DGKB: variants seen among roughly 807,000 people sequenced by gnomAD.
DGKB encodes the protein 90 kDa diacylglycerol kinase.
A neutral mutation model predicts 114.3 loss-of-function variants in DGKB; 67 were observed. The ratio of observed to expected loss-of-function variants is 0.59; its 90% confidence interval spans 0.48 to 0.72. The LOEUF (loss-of-function observed/expected upper bound fraction) is 0.72, where lower values mean the gene tolerates loss of function less well. Among genes scored for constraint, DGKB ranks in the 30% least tolerant of loss-of-function variants. The probability of loss-of-function intolerance (pLI) is 0.00; values close to 1 mark genes in which losing one functional copy is unlikely to be tolerated. For synonymous variants in DGKB, 398 were observed against 323.1 expected (o/e 1.23, Z -2.49); for missense variants, 907 against 975.2 (o/e 0.93, Z 0.93).
chr7:14,944,124 A>T (rs1288487082), intron 1 of DGKB, among the ~76,000 whole-genome samples: 1 of 151,902 alleles, frequency 6.6e-6, no homozygotes, highest in Non-Finnish European at 1.5e-5. Context: ...TGCTTATCCC[A>T]ATACCTTACA....
intron 1 of DGKB, among the ~76,000 whole-genome samples, chr7:14,923,958 TG>T (rs1362430913): frequency 1.0e-4 from 13 of 124,620 alleles, no homozygotes; most frequent in African/African-American, 4.4e-4. Flanking sequence ...CACTCCAACC[TG>T]GGCAACACAG....
intron 20 of DGKB, among the ~76,000 whole-genome samples, chr7:14,568,682 C>G (rs1797946787): frequency 6.6e-6 from 1 of 152,132 alleles, no homozygotes; most frequent in Non-Finnish European, 1.5e-5. Context: ...ATAATTTGTA[C>G]CAGCAGTCAA....
At chr7:14,866,071 G>C (rs1051130643) in intron 1 of DGKB, among the ~76,000 whole-genome samples, 3 of 152,184 alleles carry the variant, frequency 2.0e-5, no homozygotes, top group East Asian at 1.9e-4. Flanking sequence ...TCCTGGCTAA[G>C]AGGAGCATAG....
chr7:14,795,693 T>A (rs1188756467), intron 2 of DGKB, among the ~76,000 whole-genome samples: 1 of 152,168 alleles, frequency 6.6e-6, no homozygotes, highest in East Asian at 1.9e-4. Context: ...TAGAGCTGGT[T>A]ACCTGGCTAC....
At chr7:14,885,583 A>C (rs1221447062) in intron 1 of DGKB, among the ~76,000 whole-genome samples, 1 of 151,886 alleles carries the variant, frequency 6.6e-6, no homozygotes, top group East Asian at 1.9e-4. Context: ...TGCTTCATTA[A>C]GCGATTAAAC....
intron 21 of DGKB, among the ~76,000 whole-genome samples, chr7:14,419,424 A>G (rs1021680986): frequency 5.9e-5 from 9 of 151,944 alleles, no homozygotes; most frequent in African/African-American, 2.2e-4. Context: ...TGGAGATATA[A>G]ACTTTGCAAA....
At chr7:14,703,635 T>C (rs1287631567) in intron 6 of DGKB, among the ~76,000 whole-genome samples, 2 of 152,126 alleles carry the variant, frequency 1.3e-5, no homozygotes, top group African/African-American at 2.4e-5. Flanking sequence ...CTTCTGGTGA[T>C]GGGAGGCGGC....
chr7:14,965,670 C>T (rs917191939), intron 1 of DGKB, among the ~76,000 whole-genome samples: 1 of 151,992 alleles, frequency 6.6e-6, no homozygotes, highest in African/African-American at 2.4e-5. Flanking sequence ...TGAAATAGAA[C>T]TGAGTGATTA....
In DGKB at chr7:14,181,216, G is replaced by T. The variant is rs1488502670; in HGVS notation, c.2123-3065C>A. Among the ~76,000 whole-genome samples the T allele has an allele frequency of 2.6e-5, 4 of 152,086 alleles. No individual in the cohort carries two copies. The East Asian group carries it at 7.7e-4, about 29-fold the overall frequency. On this transcript the variant is annotated intron_variant, in intron 23 of 25. Transcript: ENST00000402815. Reference sequence around the variant, plus strand: ...GAGGCACAGTAGAGACCATATGGTCGACAAAGCTGAAAATATTTACTATGT... The same window carrying T: ...GAGGCACAGTAGAGACCATATGGTCTACAAAGCTGAAAATATTTACTATGT...
intron 13 of DGKB, among the ~76,000 whole-genome samples, chr7:14,663,424 C>A (rs1396370162): frequency 2.6e-5 from 4 of 152,014 alleles, no homozygotes; most frequent in African/African-American, 9.6e-5. Context: ...TATATCAATT[C>A]TTTTTATATT....
chr7:14,335,546 TAA>T (rs1266103940), intron 23 of DGKB, among the ~76,000 whole-genome samples: 2 of 152,204 alleles, frequency 1.3e-5, no homozygotes, highest in African/African-American at 4.8e-5. Flanking sequence ...AAAATTACGT[TAA>T]GTTTTTCATT....
At chr7:14,260,106 A>ACACAG (rs546098387) in intron 23 of DGKB, among the ~76,000 whole-genome samples, 1 of 32,870 alleles carries the variant, frequency 3.0e-5, no homozygotes, top group Non-Finnish European at 5.1e-5. Flanking sequence ...ACACACACAC[A>ACACAG]TGAACACACA....
At chr7:14,461,158 A>G (rs1563231837) in intron 21 of DGKB, among the ~76,000 whole-genome samples, 2 of 152,194 alleles carry the variant, frequency 1.3e-5, no homozygotes, top group African/African-American at 2.4e-5. Context: ...GGAAAGGTCT[A>G]AAATCAACAC....
intron 25 of DGKB, among the ~76,000 whole-genome samples, chr7:14,152,749 G>GTCTTCATCTTCTTATTTCTATT (rs1194149027): frequency 2.0e-5 from 3 of 152,074 alleles, no homozygotes; most frequent in Non-Finnish European, 4.4e-5. Flanking sequence ...ACAAAGCATA[G>GTCTTCATCTTCTTATTTCTATT]TCTTCATCTT....
At chr7:14,761,933 C>G (rs1278018424) in intron 2 of DGKB, among the ~76,000 whole-genome samples, 1 of 152,084 alleles carries the variant, frequency 6.6e-6, no homozygotes, top group African/African-American at 2.4e-5. Context: ...TCCTGGAAAG[C>G]AAAGGAGGGG....
intron 2 of DGKB, among the ~76,000 whole-genome samples, chr7:14,798,159 C>T (rs1267216870): frequency 2.6e-5 from 4 of 152,044 alleles, no homozygotes; most frequent in South Asian, 2.1e-4. Context: ...AGAGTGGGTA[C>T]GATGGGGATG....
chr7:14,656,371 G>C (rs1042311305), intron 13 of DGKB, among the ~76,000 whole-genome samples: 1 of 151,046 alleles, frequency 6.6e-6, no homozygotes, highest in African/African-American at 2.4e-5. Context: ...ACCTATAATA[G>C]GTTTTTGGAT....
intron 21 of DGKB, among the ~76,000 whole-genome samples, chr7:14,347,643 C>G (rs533866170): frequency 4.0e-5 from 6 of 151,844 alleles, no homozygotes; most frequent in Admixed American, 3.3e-4. Context: ...AAATGTTGGT[C>G]AAAGGATGCA....
chr7:14,935,672 G>T (rs547046783), intron 1 of DGKB, among the ~76,000 whole-genome samples: 17 of 152,052 alleles, frequency 1.1e-4, no homozygotes, highest in Middle Eastern at 6.8e-3. Flanking sequence ...CTTTACAGAC[G>T]AATTACATTG....
Sources: allele counts gnomAD v4.1 joint callset (sites outside exome capture counted in the v4.1 genomes callset), GRCh38; gene constraint gnomAD v4.1.1; transcripts MANE v1.5; gene names NCBI Gene and HGNC (gene_info 2026-07-23, HGNC 2026-07-21).